The following CHSY3 variants were observed in gnomAD, a reference collection of about 807,000 sequenced individuals.
CHSY3 encodes chondroitin sulfate synthase 3.
In CHSY3, 35 loss-of-function variants were observed where a neutral mutation model predicts 67.2. The ratio of observed to expected loss-of-function variants is 0.52; its 90% CI spans 0.40 to 0.69. The LOEUF (loss-of-function observed/expected upper bound fraction) is 0.69, where lower values mean the gene tolerates loss of function less well. CHSY3 is among the 30% of genes least tolerant of loss of function. CHSY3 has a pLI of 0.00. For synonymous variants in CHSY3, 474 were observed against 434.7 expected, an observed-to-expected ratio of 1.09 and a Z score of -1.12; for missense variants, 1,069 against 1,138.5, an observed-to-expected ratio of 0.94 and a Z score of 0.88.
chr5:130,060,672 T>C (rs1043263875), intron 2 of CHSY3, among the ~76,000 whole-genome samples: 1 of 152,064 alleles, frequency 6.6e-6, no homozygotes, highest in Non-Finnish European at 1.5e-5. Context: ...TAAAGACTCC[T>C]CCAAAAGACT....
chr5:130,174,044 A>C (rs1482896015), intron 2 of CHSY3, among the ~76,000 whole-genome samples: 1 of 152,126 alleles, frequency 6.6e-6, no homozygotes, highest in African/African-American at 2.4e-5. Context: ...ATTTAGTTAC[A>C]TAACTAAATC....
At chr5:129,922,019 C>G (rs1256290171) in intron 2 of CHSY3, among the ~76,000 whole-genome samples, 2 of 152,166 alleles carry the variant, frequency 1.3e-5, no homozygotes, top group Non-Finnish European at 2.9e-5. Context: ...CCTCTGGCAA[C>G]CATCATTCTA....
intron 2 of CHSY3, among the ~76,000 whole-genome samples, chr5:130,147,281 T>C (rs1397455507): frequency 6.6e-6 from 1 of 152,220 alleles, no homozygotes; most frequent in East Asian, 1.9e-4. Flanking sequence ...GATGTAGAAT[T>C]GTGAGCCAAA....
At chr5:129,993,053 T>C (rs1379188443) in intron 2 of CHSY3, among the ~76,000 whole-genome samples, 1 of 152,188 alleles carries the variant, frequency 6.6e-6, no homozygotes, top group Non-Finnish European at 1.5e-5. Flanking sequence ...GCAAATGCTT[T>C]ACCCATATTG....
chr5:130,020,453 ATATATATATTTTTTT>A (rs1163247812), intron 2 of CHSY3, among the ~76,000 whole-genome samples: 115 of 7,914 alleles, frequency 0.015, 3 homozygotes, highest in East Asian at 0.047. Flanking sequence ...ATATATATAT[ATATATATATTTTTTT>A]TTTTTTTTTT....
intron 2 of CHSY3, among the ~76,000 whole-genome samples, chr5:130,168,196 G>A (rs920297768): frequency 6.6e-6 from 1 of 152,070 alleles, no homozygotes; most frequent in Non-Finnish European, 1.5e-5. Context: ...GCTGGCAAAC[G>A]CCTTCATTGG....
At chr5:130,181,267 A>G (rs1770234488) in intron 2 of CHSY3, among the ~76,000 whole-genome samples, 1 of 152,244 alleles carries the variant, frequency 6.6e-6, no homozygotes, top group South Asian at 2.1e-4. Flanking sequence ...AATTATTTCA[A>G]GCAAATTAAT....
At chr5:130,135,081 A>G (rs2149715859) in intron 2 of CHSY3, among the ~76,000 whole-genome samples, 1 of 152,176 alleles carries the variant, frequency 6.6e-6, no homozygotes, top group African/African-American at 2.4e-5. Context: ...ACAGATATAC[A>G]CACACATATA....
chr5:130,127,226 T>G (rs1768323003), intron 2 of CHSY3, among the ~76,000 whole-genome samples: 1 of 152,166 alleles, frequency 6.6e-6, no homozygotes, highest in South Asian at 2.1e-4. Flanking sequence ...ACTTAGCCTT[T>G]CTTTCTCAAT....
intron 2 of CHSY3, chr5:130,052,191 C>T (rs1489437241): frequency 6.6e-6 from 1 of 152,188 alleles, no homozygotes; most frequent in Non-Finnish European, 1.5e-5. Context: ...TCCCTGTCAC[C>T]TAATCTCTCT....
intron 2 of CHSY3, among the ~76,000 whole-genome samples, chr5:129,983,478 A>AT (rs1484569892): frequency 6.6e-6 from 1 of 152,004 alleles, no homozygotes; most frequent in Non-Finnish European, 1.5e-5. Flanking sequence ...TTTTAGAAGC[A>AT]TTTTTTTCTA....
chr5:130,001,424 AC>A, intron 2 of CHSY3: 1 of 865,836 alleles, frequency 1.2e-6, no homozygotes, highest in Non-Finnish European at 1.4e-6. Context: ...TGAAGAAATT[AC>A]CAGATGATGA....
At chr5:130,015,504 CA>C (rs1372827728) in intron 2 of CHSY3, among the ~76,000 whole-genome samples, 2 of 152,132 alleles carry the variant, frequency 1.3e-5, no homozygotes, top group African/African-American at 4.8e-5. Context: ...CGTCACTGAT[CA>C]TTAGGGAAAT....
At chr5:129,939,395 C>T (rs1761625277) in intron 2 of CHSY3, among the ~76,000 whole-genome samples, 1 of 152,140 alleles carries the variant, frequency 6.6e-6, no homozygotes, top group Admixed American at 6.6e-5. Flanking sequence ...GAAGATTAGG[C>T]TGTATTCACT....
intron 2 of CHSY3, among the ~76,000 whole-genome samples, chr5:130,029,511 G>A (rs1471576701): frequency 2.6e-5 from 4 of 151,970 alleles, no homozygotes; most frequent in African/African-American, 9.7e-5. Flanking sequence ...GCCTCACAAG[G>A]AAATTAAATT....
At chr5:130,181,493 C>T (rs1396643206) in intron 2 of CHSY3, among the ~76,000 whole-genome samples, 4 of 152,114 alleles carry the variant, frequency 2.6e-5, no homozygotes, top group African/African-American at 9.7e-5. Context: ...CACATATCCA[C>T]ACATTTATGA....
In CHSY3 at chr5:130,143,730, G is replaced by GTATATATATATATA. The variant is rs1285066017; in HGVS notation, c.1087-40498_1087-40497insATATATATATATAT. Among the ~76,000 whole-genome samples, 709 of 104,470 alleles carry GTATATATATATATA rather than the reference G, an allele frequency of 6.8e-3. 45 individuals carry two copies. The highest frequency in any genetic ancestry group is 0.023 in the Admixed American group (223 of 9,734). The allele number at this position is 104,470 out of a possible 152,430, so 68.5% of individuals were successfully genotyped here. ...AGGGTATATATATATATGTGTGTGT[G>GTATATATATATATA]TGTGTATATATATATATATATATAT... On this transcript the variant is annotated intron_variant, in intron 2 of 2. Transcript: ENST00000305031.
At chr5:129,959,074 C>T (rs1762257780) in intron 2 of CHSY3, among the ~76,000 whole-genome samples, 2 of 151,866 alleles carry the variant, frequency 1.3e-5, no homozygotes, top group African/African-American at 2.4e-5. Context: ...TGAATATGCT[C>T]TCTTTAGTGA....
At chr5:129,909,194 A>T (rs116048081) in intron 2 of CHSY3, among the ~76,000 whole-genome samples, 1 of 152,242 alleles carries the variant, frequency 6.6e-6, no homozygotes, top group Non-Finnish European at 1.5e-5. Context: ...CTAAAAGATA[A>T]TTTTAGTAAA....
Sources: gnomAD v4.1 joint callset for allele counts (sites outside exome capture counted in the v4.1 genomes callset) on GRCh38, gnomAD v4.1.1 for gene constraint, MANE v1.5 for transcripts, NCBI Gene and HGNC (gene_info 2026-07-23, HGNC 2026-07-21) for gene names.